The following FREM3 variants were observed in gnomAD, a reference collection of about 807,000 sequenced individuals.
FREM3 encodes the protein FRAS1 related extracellular matrix 3.
Under a neutral mutation model 129.1 loss-of-function variants are expected in FREM3, and 105 were observed. The ratio of observed to expected loss-of-function variants is 0.81; its 90% CI spans 0.69 to 0.96. FREM3 has a LOEUF of 0.96. FREM3 is among the 40% of genes least tolerant of loss of function. The pLI is 0.00. For missense variants in FREM3, 2,593 were observed against 2,666.3 expected (o/e 0.97, Z 0.61); for synonymous variants, 1,014 against 1,044.9 (o/e 0.97, Z 0.57).
At chr4:143,607,475 C>A (rs17017949) in intron 6 of FREM3, among the ~76,000 whole-genome samples, 17,089 of 152,094 alleles carry the variant, frequency 0.11, 2,866 homozygotes, top group African/African-American at 0.37. Context: ...TTTTACCTTG[C>A]TCTGTAGTTG....
chr4:143,590,108 A>G (rs1450928345), intron 6 of FREM3, among the ~76,000 whole-genome samples: 1 of 152,032 alleles, frequency 6.6e-6, no homozygotes. Flanking sequence ...ACTTTGCTGA[A>G]GTTGCTTATC....
intron 6 of FREM3, among the ~76,000 whole-genome samples, chr4:143,609,304 T>C (rs1261118992): frequency 1.3e-5 from 2 of 152,188 alleles, no homozygotes; most frequent in Non-Finnish European, 2.9e-5. Context: ...TAACGAAGAC[T>C]GTTCTGACGC....
At chr4:143,678,255 C>A (rs778987215) in intron 2 of FREM3, among the ~76,000 whole-genome samples, 1 of 152,042 alleles carries the variant, frequency 6.6e-6, no homozygotes, top group Non-Finnish European at 1.5e-5. Flanking sequence ...ATGGATAAAG[C>A]TGGAAACCAT....
intron 5 of FREM3, among the ~76,000 whole-genome samples, chr4:143,612,718 G>A (rs1309025146): frequency 2.0e-5 from 3 of 152,162 alleles, no homozygotes; most frequent in African/African-American, 4.8e-5. Flanking sequence ...CAACACATAG[G>A]TTTAGGGCTA....
In FREM3 at chr4:143,660,560, G is replaced by A. The variant is rs564381052; in HGVS notation, c.5275+32553C>T. Among the ~76,000 whole-genome samples the A allele has an allele frequency of 2.6e-3, 401 of 152,146 alleles. 3 individuals are homozygous for A. The highest frequency in any genetic ancestry group is 8.9e-3 in the African/African-American group (371 of 41,502). On this transcript the variant is annotated intron_variant, in intron 2 of 7. Transcript: ENST00000329798. ...TCTTTTGGCTTAGGATTGACTTGGC[G>A]ATGCGGGCTCTTTTTTGGTTCCATG...
At chr4:143,589,772 G>A (rs1738321484) in intron 6 of FREM3, among the ~76,000 whole-genome samples, 1 of 152,164 alleles carries the variant, frequency 6.6e-6, no homozygotes, top group African/African-American at 2.4e-5. Context: ...TTCGAATTCT[G>A]TGAAGAAAGT....
At chr4:143,676,545 A>C (rs1472348570) in intron 2 of FREM3, among the ~76,000 whole-genome samples, 1 of 152,184 alleles carries the variant, frequency 6.6e-6, no homozygotes, top group African/African-American at 2.4e-5. Context: ...TGGCCAGGGC[A>C]ATCAGGCAGG....
intron 4 of FREM3, among the ~76,000 whole-genome samples, chr4:143,623,716 C>G (rs1738995191): frequency 6.6e-6 from 1 of 151,988 alleles, no homozygotes; most frequent in African/African-American, 2.4e-5. Context: ...TGGCTGATAT[C>G]CAGGAGCCAC....
At chr4:143,623,987 T>G in intron 4 of FREM3, 121 bp downstream of exon 4, 1 of 621,144 alleles carries the variant, frequency 1.6e-6, no homozygotes, top group Non-Finnish European at 2.8e-6. Context: ...TACTTCACTT[T>G]AAATCCTAAA....
intron 7 of FREM3, among the ~76,000 whole-genome samples, chr4:143,578,706 C>CTAA (rs1738082347): frequency 2.0e-5 from 3 of 152,242 alleles, no homozygotes; most frequent in Admixed American, 6.5e-5. Flanking sequence ...TTACCTGAAT[C>CTAA]TAATTATGAA....
chr4:143,627,704 C>G lies in FREM3; in HGVS notation c.5332G>C (p.Glu1778Gln). Residue 1778 changes from glutamate to glutamine, a missense_variant, in exon 3 of 8, where the codon GAG becomes CAG. Physicochemically the swap from Glu to Gln is conservative, Grantham distance 29. Transcript: ENST00000329798. ...FHLNWAWICL[E>Q]KEYYIVDEDS... Reference sequence around the variant, plus strand: ...TCATCCACAATGTAGTACTCTTTCTCCAAACAAATCCAAGCCCAGTTTAGA... The same window carrying G: ...TCATCCACAATGTAGTACTCTTTCTGCAAACAAATCCAAGCCCAGTTTAGA... The G allele has an allele frequency of 6.5e-7, 1 of 1,534,360 alleles. No individual in the cohort carries two copies. Among genetic ancestry groups the G allele is most frequent in the Non-Finnish European group, 8.7e-7 (1 of 1,144,380 alleles).
At chr4:143,598,346 T>A (rs1023888542) in intron 6 of FREM3, among the ~76,000 whole-genome samples, 1 of 152,208 alleles carries the variant, frequency 6.6e-6, no homozygotes, top group Non-Finnish European at 1.5e-5. Flanking sequence ...GGAGCTGTTT[T>A]CTTTTCCCCG....
intron 2 of FREM3, among the ~76,000 whole-genome samples, chr4:143,688,180 G>A (rs139593342): frequency 1.5e-3 from 227 of 152,200 alleles, no homozygotes; most frequent in African/African-American, 4.9e-3. Flanking sequence ...GGATACAAGA[G>A]TAAAGTACAC....
chr4:143,697,473 A>C lies in FREM3; in HGVS notation c.3203T>G (p.Val1068Gly). Residue 1068 changes from valine (V) to glycine (G), a missense_variant, in exon 1 of 8, where the codon GTG (valine) becomes GGG (glycine). Transcript: ENST00000329798. ...VQVTVLPVDN[V>G]GPKVFVGESF... Reference sequence around the variant, plus strand: ...CTCCCCGACGAAGACCTTGGGTCCCACATTGTCCACAGGCAGCACAGTTAC... The same window carrying C: ...CTCCCCGACGAAGACCTTGGGTCCCCCATTGTCCACAGGCAGCACAGTTAC... The C allele has an allele frequency of 6.5e-7, 1 of 1,537,212 alleles. No homozygotes were observed. The highest frequency in any genetic ancestry group is 1.7e-4 in the Middle Eastern group (1 of 5,990).
At chr4:143,594,807 C>T (rs2149835959) in intron 6 of FREM3, among the ~76,000 whole-genome samples, 1 of 152,286 alleles carries the variant, frequency 6.6e-6, no homozygotes, top group Non-Finnish European at 1.5e-5. Context: ...GGAGATCTGT[C>T]AGAACAGAGA....
chr4:143,641,598 C>T (rs1441216932), intron 2 of FREM3, among the ~76,000 whole-genome samples: 1 of 152,150 alleles, frequency 6.6e-6, no homozygotes, highest in African/African-American at 2.4e-5. Flanking sequence ...CAAAAATAGC[C>T]AAACCAGAGA....
intron 2 of FREM3, among the ~76,000 whole-genome samples, chr4:143,637,739 A>C (rs1739257148): frequency 6.6e-6 from 1 of 152,172 alleles, no homozygotes; most frequent in Non-Finnish European, 1.5e-5. Flanking sequence ...AAAGAGGGAA[A>C]AAACCAAAAG....
At chr4:143,678,186 T>C (rs1268663698) in intron 2 of FREM3, among the ~76,000 whole-genome samples, 1 of 152,196 alleles carries the variant, frequency 6.6e-6, no homozygotes, top group Non-Finnish European at 1.5e-5. Flanking sequence ...GTGGCACATA[T>C]ACACCATGGA....
At chr4:143,667,039 T>C (rs1160246320) in intron 2 of FREM3, among the ~76,000 whole-genome samples, 1 of 152,146 alleles carries the variant, frequency 6.6e-6, no homozygotes, top group Non-Finnish European at 1.5e-5. Flanking sequence ...TAATAATGGC[T>C]GTGAAGAGTA....
Sources: gnomAD v4.1 joint callset for allele counts (sites outside exome capture counted in the v4.1 genomes callset) on GRCh38, gnomAD v4.1.1 for gene constraint, MANE v1.5 for transcripts, NCBI Gene and HGNC (gene_info 2026-07-23, HGNC 2026-07-21) for gene names.